Variants in THEMIS observed in about 807,000 individuals in gnomAD.
The protein encoded by THEMIS is thymocyte selection associated, also known as protein THEMIS.
A neutral mutation model predicts 52.6 loss-of-function variants in THEMIS; 37 were observed. The observed-to-expected ratio is 0.70, with a 90% CI of 0.54 to 0.93. The LOEUF (loss-of-function observed/expected upper bound fraction) is 0.93. Ranked by LOEUF, THEMIS falls within the 40% of genes least tolerant of loss-of-function variation. The pLI is 0.00. For synonymous variants in THEMIS, 292 were observed against 272.7 expected (o/e 1.07, Z -0.70); for missense variants, 808 against 763.1 (o/e 1.06, Z -0.69).
chr6:127,854,675 T>G (rs749178474), intron 2 of THEMIS, among the ~76,000 whole-genome samples: 1 of 151,820 alleles, frequency 6.6e-6, no homozygotes, highest in Non-Finnish European at 1.5e-5. Flanking sequence ...AGAGGGTAGA[T>G]AGGCTTAAAT....
At chr6:127,786,929 A>C (rs1220561658) in intron 4 of THEMIS, among the ~76,000 whole-genome samples, 1 of 152,194 alleles carries the variant, frequency 6.6e-6, no homozygotes, top group Non-Finnish European at 1.5e-5. Context: ...AGTAGCTGTG[A>C]GAAAAAGCAA....
At chr6:127,793,357 A>G (rs1359407266) in intron 4 of THEMIS, among the ~76,000 whole-genome samples, 1 of 152,228 alleles carries the variant, frequency 6.6e-6, no homozygotes, top group Non-Finnish European at 1.5e-5. Flanking sequence ...TGACACAACC[A>G]CAGTAAATCA....
chr6:127,761,175 A>G (rs954787543), intron 4 of THEMIS, among the ~76,000 whole-genome samples: 4 of 152,206 alleles, frequency 2.6e-5, no homozygotes, highest in African/African-American at 4.8e-5. Flanking sequence ...CACACCTGTC[A>G]GGATGGTTAT....
intron 4 of THEMIS, among the ~76,000 whole-genome samples, chr6:127,780,546 C>T (rs954008347): frequency 1.2e-4 from 18 of 152,130 alleles, no homozygotes; most frequent in Admixed American, 9.8e-4. Flanking sequence ...GTTTTTCCTT[C>T]CCATATTTAG....
intron 4 of THEMIS, among the ~76,000 whole-genome samples, chr6:127,727,613 A>G (rs1213788482): frequency 2.0e-5 from 3 of 152,136 alleles, no homozygotes; most frequent in Non-Finnish European, 2.9e-5. Flanking sequence ...TAAAAGGTAA[A>G]TGTCCTGGCA....
chr6:127,727,626 C>A (rs1774596951), intron 4 of THEMIS, among the ~76,000 whole-genome samples: 1 of 152,110 alleles, frequency 6.6e-6, no homozygotes, highest in Admixed American at 6.5e-5. Flanking sequence ...TCCTGGCAAT[C>A]TGATTTAAAA....
At chr6:127,785,478 TA>T (rs71543125) in intron 4 of THEMIS, among the ~76,000 whole-genome samples, 12,547 of 143,586 alleles carry the variant, frequency 0.087, 792 homozygotes, top group African/African-American at 0.18. Context: ...TAATAAAATT[TA>T]AAAAAAAAAA....
At chr6:127,704,945 G>C (rs576605909), downstream of THEMIS, among the ~76,000 whole-genome samples, 106 of 152,350 alleles carry the variant, frequency 7.0e-4, no homozygotes, top group Non-Finnish European at 1.1e-3. Flanking sequence ...TTGCACTAGA[G>C]CCTCACTTAG....
chr6:127,718,075 T>C (rs1774233978), intron 5 of THEMIS, among the ~76,000 whole-genome samples: 1 of 151,890 alleles, frequency 6.6e-6, no homozygotes, highest in Admixed American at 6.6e-5. Context: ...ATATACTATA[T>C]TATATAAGAT....
chr6:127,873,218 T>C (rs1780208827), intron 1 of THEMIS, among the ~76,000 whole-genome samples: 1 of 152,218 alleles, frequency 6.6e-6, no homozygotes, highest in Non-Finnish European at 1.5e-5. Context: ...TCAATTTTCC[T>C]CAAATTGATA....
chr6:127,749,622 T>A (rs1775565050), intron 4 of THEMIS, among the ~76,000 whole-genome samples: 1 of 151,818 alleles, frequency 6.6e-6, no homozygotes, highest in African/African-American at 2.4e-5. Context: ...GGCCAGTGAC[T>A]TTTTAGAGAA....
At chr6:127,820,219 T>C (rs1778290312) in intron 3 of THEMIS, among the ~76,000 whole-genome samples, 1 of 151,970 alleles carries the variant, frequency 6.6e-6, no homozygotes, top group Admixed American at 6.6e-5. Context: ...AAAATTACAG[T>C]AGGCAGAAAA....
chr6:127,869,980 A>G (rs1780106726), intron 1 of THEMIS, among the ~76,000 whole-genome samples: 1 of 152,000 alleles, frequency 6.6e-6, no homozygotes, highest in Non-Finnish European at 1.5e-5. Context: ...TCACTCCCCC[A>G]TTTTTTGCTT....
intron 2 of THEMIS, among the ~76,000 whole-genome samples, chr6:127,850,258 A>G (rs1779374995): frequency 6.6e-6 from 1 of 151,672 alleles, no homozygotes; most frequent in Non-Finnish European, 1.5e-5. Flanking sequence ...ATGTTGGCAT[A>G]AATCTCATGA....
chr6:127,851,486 A>C (rs556140739), intron 2 of THEMIS, among the ~76,000 whole-genome samples: 1 of 146,464 alleles, frequency 6.8e-6, no homozygotes, highest in South Asian at 2.1e-4. Context: ...TTCTTAAAAC[A>C]TAACAAGAAA....
At chr6:127,851,094 A>G (rs1779407632) in intron 2 of THEMIS, among the ~76,000 whole-genome samples, 1 of 151,686 alleles carries the variant, frequency 6.6e-6, no homozygotes, top group East Asian at 1.9e-4. Context: ...GAGATTATAC[A>G]TTCAGGGGCA....
intron 1 of THEMIS, among the ~76,000 whole-genome samples, chr6:127,881,813 A>G (rs1278888576): frequency 6.6e-6 from 1 of 151,934 alleles, no homozygotes; most frequent in African/African-American, 2.4e-5. Flanking sequence ...TCAAGCACAT[A>G]TACAAAAATG....
At chr6:127,893,720 C>G (rs1481855830) in intron 1 of THEMIS, among the ~76,000 whole-genome samples, 1 of 152,122 alleles carries the variant, frequency 6.6e-6, no homozygotes, top group Non-Finnish European at 1.5e-5. Flanking sequence ...ACATCAGCCT[C>G]TTTCAAATTT....
chr6:127,890,953 G>A (rs993870486), intron 1 of THEMIS, among the ~76,000 whole-genome samples: 1 of 152,016 alleles, frequency 6.6e-6, no homozygotes, highest in Non-Finnish European at 1.5e-5. Context: ...ATAAAGTCCT[G>A]ATCAATTAGG....
Sources: allele counts gnomAD v4.1 joint callset (sites outside exome capture counted in the v4.1 genomes callset), GRCh38; gene constraint gnomAD v4.1.1; transcripts MANE v1.5; gene names NCBI Gene and HGNC (gene_info 2026-07-23, HGNC 2026-07-21).